TRPM3: variants seen among roughly 807,000 people sequenced by gnomAD.
The protein encoded by TRPM3 is transient receptor potential cation channel subfamily M member 3, also known as long transient receptor potential channel 3.
Under a neutral mutation model 181.2 loss-of-function variants are expected in TRPM3, and 77 were observed. The ratio of observed to expected loss-of-function variants is 0.42; its 90% confidence interval spans 0.35 to 0.51. TRPM3 has a LOEUF of 0.51. Ranked by LOEUF, TRPM3 falls within the 20% of genes least tolerant of loss-of-function variation. The pLI is 0.01. For synonymous variants in TRPM3, 745 were observed against 796.4 expected (o/e 0.94, Z 1.09); for missense variants, 1,759 against 2,196.7 (o/e 0.80, Z 3.98).
chr9:71,440,912 T>C (rs2094127729), intron 1 of TRPM3, among the ~76,000 whole-genome samples: 1 of 152,240 alleles, frequency 6.6e-6, no homozygotes, highest in Non-Finnish European at 1.5e-5. Flanking sequence ...TATTTATAAG[T>C]TATTTTTAAT....
intron 1 of TRPM3, among the ~76,000 whole-genome samples, chr9:71,232,466 C>T (rs1397096800): frequency 5.4e-5 from 8 of 147,168 alleles, no homozygotes; most frequent in South Asian, 2.2e-4. Context: ...CATACTCTAA[C>T]GCACATGGAA....
chr9:70,862,072 G>A (rs1338474279), intron 3 of TRPM3, among the ~76,000 whole-genome samples: 2 of 152,022 alleles, frequency 1.3e-5, no homozygotes, highest in Non-Finnish European at 2.9e-5. Flanking sequence ...TCTGTAGTAT[G>A]CTTCTTTTAG....
chr9:70,831,775 T>C (rs1260632277), intron 5 of TRPM3, among the ~76,000 whole-genome samples: 1 of 151,514 alleles, frequency 6.6e-6, no homozygotes, highest in African/African-American at 2.4e-5. Flanking sequence ...AGACCTACTA[T>C]TTGATAGCAC....
chr9:70,886,120 C>A (rs543657873), intron 1 of TRPM3, among the ~76,000 whole-genome samples: 1 of 152,226 alleles, frequency 6.6e-6, no homozygotes, highest in Admixed American at 6.5e-5. Context: ...TACATTAAGT[C>A]CTTAGGTAAA....
In TRPM3 at chr9:71,210,353, C is replaced by T. The variant is rs545978696; in HGVS notation, c.183+236300G>A. 5.9e-5 allele frequency among the ~76,000 whole-genome samples: 9 copies of T among 152,246 alleles called. No homozygotes were observed. The South Asian group carries it at 1.9e-3, about 32-fold the overall frequency. Reference sequence around the variant, plus strand: ...ATTCTGGTGAGTTGTATAATTATTTCATTATATATTACAATGTTATAATAA... The same window carrying T: ...ATTCTGGTGAGTTGTATAATTATTTTATTATATATTACAATGTTATAATAA... On this transcript the variant is annotated intron_variant, in intron 1 of 24. Transcript: ENST00000357533.
intron 7 of TRPM3, among the ~76,000 whole-genome samples, chr9:70,763,867 C>T (rs566933596): frequency 6.6e-5 from 10 of 152,238 alleles, no homozygotes; most frequent in South Asian, 2.1e-4. Flanking sequence ...AGGGAAGACT[C>T]TTCTGAGGAA....
intron 1 of TRPM3, among the ~76,000 whole-genome samples, chr9:71,180,650 C>T (rs1223036205): frequency 6.6e-6 from 1 of 152,102 alleles, no homozygotes; most frequent in East Asian, 1.9e-4. Flanking sequence ...TGAGGATGTG[C>T]AGATCCACCT....
In TRPM3 at chr9:70,863,068, G is replaced by A. The variant is rs1226530851; in HGVS notation, c.302C>T (p.Pro101Leu). The change falls in exon 3 of 26, where the codon CCC becomes CTC. Residue 101 changes from proline (P) to leucine (L), a missense_variant. Physicochemically the swap from Pro to Leu is moderately conservative, Grantham distance 98. Coordinates refer to ENST00000677713, the MANE Select transcript of TRPM3 (RefSeq NM_001366145.2). Reference protein sequence around the residue: ...RLIGQHVGLTPSISVLQNEKN... With the variant: ...RLIGQHVGLTLSISVLQNEKN... ...CTCATTCTGAAGCACGGAGATACTG[G>A]GGGTGAGGCCAACATGCTGGCCTAT... The A allele has an allele frequency of 1.9e-6, 3 of 1,613,560 alleles. No homozygotes were observed. In the East Asian group the frequency reaches 6.7e-5, roughly 36 times the overall value.
intron 6 of TRPM3, chr9:70,826,279 C>T (rs896165125): frequency 5.3e-5 from 8 of 152,170 alleles, no homozygotes; most frequent in African/African-American, 1.7e-4. Flanking sequence ...TACAGTAAAA[C>T]CTACCACCCA....
intron 14 of TRPM3, among the ~76,000 whole-genome samples, chr9:70,623,842 A>G (rs1322845766): frequency 6.7e-6 from 1 of 150,046 alleles, no homozygotes; most frequent in African/African-American, 2.4e-5. Context: ...CACTTATGCG[A>G]TTGTTTGGAT....
At chr9:70,697,148 T>C (rs964135882) in intron 8 of TRPM3, among the ~76,000 whole-genome samples, 1 of 152,152 alleles carries the variant, frequency 6.6e-6, no homozygotes, top group African/African-American at 2.4e-5. Flanking sequence ...GCAAACCAGC[T>C]TGACAAATTA....
chr9:70,681,390 A>T (rs1167736766), intron 9 of TRPM3, 116 bp downstream of exon 9: 1 of 843,626 alleles, frequency 1.2e-6, no homozygotes, highest in East Asian at 2.5e-5. Flanking sequence ...CTATGTTATC[A>T]ATAATTTATT....
chr9:71,139,844 G>T (rs1020337531), intron 1 of TRPM3, among the ~76,000 whole-genome samples: 2 of 152,136 alleles, frequency 1.3e-5, no homozygotes, highest in Non-Finnish European at 2.9e-5. Flanking sequence ...AAAATAAGAT[G>T]CCTGTTTCCA....
chr9:71,368,558 C>T (rs530389026), intron 1 of TRPM3, among the ~76,000 whole-genome samples: 4 of 142,956 alleles, frequency 2.8e-5, no homozygotes, highest in African/African-American at 1.0e-4. Flanking sequence ...GAAGAGCTAG[C>T]ACATAAAAAG....
intron 1 of TRPM3, among the ~76,000 whole-genome samples, chr9:70,865,915 G>A (rs1161476221): frequency 6.6e-6 from 1 of 151,938 alleles, no homozygotes; most frequent in Non-Finnish European, 1.5e-5. Flanking sequence ...GGTCCAGGTG[G>A]GCCTCTGCAT....
chr9:70,884,257 C>T (rs1168722472), intron 1 of TRPM3, among the ~76,000 whole-genome samples: 1 of 152,004 alleles, frequency 6.6e-6, no homozygotes, highest in Non-Finnish European at 1.5e-5. Context: ...AAAAGTTGTG[C>T]TAATTAATTG....
At chr9:71,274,033 G>T (rs1047111321) in intron 1 of TRPM3, among the ~76,000 whole-genome samples, 1 of 152,136 alleles carries the variant, frequency 6.6e-6, no homozygotes, top group Non-Finnish European at 1.5e-5. Context: ...GTCCTCATCT[G>T]TTACCGGTGG....
intron 6 of TRPM3, chr9:70,793,613 G>C (rs984237111): frequency 2.1e-6 from 1 of 469,672 alleles, no homozygotes; most frequent in Non-Finnish European, 4.4e-6. Context: ...TCCTCTTCCC[G>C]GCTGCCACTC....
chr9:71,279,970 G>A (rs1490672139), intron 1 of TRPM3, among the ~76,000 whole-genome samples: 7 of 151,540 alleles, frequency 4.6e-5, no homozygotes, highest in East Asian at 2.0e-4. Context: ...TCCCAGCTAC[G>A]CAGGAGGCTG....
Sources: allele counts gnomAD v4.1 joint callset (sites outside exome capture counted in the v4.1 genomes callset), GRCh38; gene constraint gnomAD v4.1.1; transcripts MANE v1.5; gene names NCBI Gene and HGNC (gene_info 2026-07-23, HGNC 2026-07-21).